The following SLC12A6 variants were observed in gnomAD, a reference collection of about 807,000 sequenced individuals.
The protein encoded by SLC12A6 is solute carrier family 12 member 6, also known as K-Cl cotransporter 3.
Under a neutral mutation model 135.3 loss-of-function variants are expected in SLC12A6, and 66 were observed. The observed-to-expected ratio is 0.49, with a 90% confidence interval of 0.40 to 0.60. The LOEUF (loss-of-function observed/expected upper bound fraction) is 0.60. Ranked by LOEUF, SLC12A6 falls within the 20% of genes least tolerant of loss-of-function variation. The pLI is 0.00. For synonymous variants in SLC12A6, 513 were observed against 508.8 expected (o/e 1.01, Z -0.11); for missense variants, 1,058 against 1,452.3 (o/e 0.73, Z 4.41).
At position 34,255,276 on chromosome 15, in the gene SLC12A6, T is replaced by A; in HGVS notation, c.862A>T (p.Ile288Phe). The part of the protein sequence containing the change: ...FAAAMYILGA[I>F]EIFLVYIVPR... The stretch of plus-strand genomic sequence containing the variant: ...TCATTACTTACCAGAAAGATTTCAA[T>A]GGCACCAAGGATGTACATGGCTGCT... Residue 288 changes from isoleucine to phenylalanine, a missense_variant, in exon 8 of 26, where the codon ATT becomes TTT. Coordinates refer to ENST00000354181, the MANE Select transcript of SLC12A6 (RefSeq NM_001365088.1). 6.2e-7 allele frequency: 1 copy of A among 1,609,114 alleles called. No individual in the cohort carries two copies. Among genetic ancestry groups the A allele is most frequent in the Non-Finnish European group, 8.5e-7 (1 of 1,175,396 alleles).
chr15:34,282,219 A>G (rs1435277946), intron 2 of SLC12A6, among the ~76,000 whole-genome samples: 1 of 152,202 alleles, frequency 6.6e-6, no homozygotes, highest in East Asian at 1.9e-4. Context: ...AGGGATTGTA[A>G]GTAGACTTGT....
intron 2 of SLC12A6, among the ~76,000 whole-genome samples, chr15:34,298,439 C>T (rs1896020683): frequency 6.6e-6 from 1 of 151,950 alleles, no homozygotes; most frequent in Non-Finnish European, 1.5e-5. Context: ...GGTGCCTCTG[C>T]ACTCCAGCCT....
rs182142965 is a variant in SLC12A6, at chr15:34,292,725, C to T, written c.272-17336G>A. 5.9e-3 allele frequency among the ~76,000 whole-genome samples: 893 copies of T among 150,508 alleles called. 7 individuals are homozygous for T. The highest frequency in any genetic ancestry group is 8.2e-3 in the Non-Finnish European group (558 of 68,008). On this transcript the variant is annotated intron_variant, in intron 2 of 25. Coordinates refer to ENST00000354181, the MANE Select transcript of SLC12A6 (RefSeq NM_001365088.1). ...CTACTCAAGCCTCACCAATGGCAGACGCCCCTTGCCCCACCAAGCTCCCAC... is the reference window on the plus strand; with the variant it reads ...CTACTCAAGCCTCACCAATGGCAGATGCCCCTTGCCCCACCAAGCTCCCAC...
intron 2 of SLC12A6, among the ~76,000 whole-genome samples, chr15:34,331,673 T>G (rs890298887): frequency 2.6e-5 from 4 of 152,284 alleles, no homozygotes; most frequent in African/African-American, 9.6e-5. Context: ...TCAAGAACCC[T>G]ACAGCATAGT....
At chr15:34,310,077 C>G (rs897394001) in intron 2 of SLC12A6, among the ~76,000 whole-genome samples, 1 of 150,902 alleles carries the variant, frequency 6.6e-6, no homozygotes, top group Non-Finnish European at 1.5e-5. Context: ...GGCATGATAA[C>G]GGATTACTGC....
chr15:34,247,965 A>T (rs975736685), intron 13 of SLC12A6, among the ~76,000 whole-genome samples: 1 of 152,176 alleles, frequency 6.6e-6, no homozygotes, highest in Admixed American at 6.5e-5. Context: ...TCAGCCTCCC[A>T]AAGTGCTGGG....
At chr15:34,287,662 T>C (rs1330599003) in intron 2 of SLC12A6, among the ~76,000 whole-genome samples, 3 of 152,220 alleles carry the variant, frequency 2.0e-5, no homozygotes, top group African/African-American at 4.8e-5. Flanking sequence ...TTTTTAATGG[T>C]TGCCATTCTA....
rs1429914418 is a variant in SLC12A6 at position 34,329,434 on chromosome 15, A to G, written c.271+6976T>C. The stretch of plus-strand genomic sequence containing the variant: ...TCTAACAGCTTTAAAATGGGAAAGC[A>G]TAACTTTCATAAGGTTCCCAGGTTT... On this transcript the variant is annotated intron_variant, in intron 2 of 25. Transcript: ENST00000354181. 8.5e-5 allele frequency among the ~76,000 whole-genome samples: 13 copies of G among 152,356 alleles called. No homozygotes were observed. In the East Asian group the frequency reaches 2.5e-3, roughly 29 times the overall value.
At chr15:34,285,879 C>T (rs1292202606) in intron 2 of SLC12A6, among the ~76,000 whole-genome samples, 2 of 151,698 alleles carry the variant, frequency 1.3e-5, no homozygotes, top group Non-Finnish European at 2.9e-5. Context: ...CTAAAGGAGT[C>T]AAATTAATAG....
chr15:34,307,307 A>C (rs1256021429), intron 2 of SLC12A6, among the ~76,000 whole-genome samples: 3 of 152,248 alleles, frequency 2.0e-5, no homozygotes, highest in Non-Finnish European at 4.4e-5. Flanking sequence ...GAAGTTCACT[A>C]AACTTTTCCG....
intron 7 of SLC12A6, 50 bp from the exon 8 acceptor site, chr15:34,255,442 G>A: frequency 2.2e-6 from 3 of 1,354,282 alleles, no homozygotes; most frequent in Non-Finnish European, 3.2e-6. Flanking sequence ...GTATTAGCAA[G>A]AGGAATATGA....
intron 3 of SLC12A6, among the ~76,000 whole-genome samples, chr15:34,266,369 G>A (rs1189368618): frequency 6.6e-6 from 1 of 151,768 alleles, no homozygotes; most frequent in African/African-American, 2.4e-5. Flanking sequence ...CACCAAGAAG[G>A]CATGACAGTT....
At chr15:34,305,255 G>T (rs1186860521) in intron 2 of SLC12A6, among the ~76,000 whole-genome samples, 1 of 152,120 alleles carries the variant, frequency 6.6e-6, no homozygotes, top group Non-Finnish European at 1.5e-5. Flanking sequence ...GCACACTGAA[G>T]TCTTTAGCTC....
At chr15:34,256,997 T>C (rs79873665) in intron 6 of SLC12A6, among the ~76,000 whole-genome samples, 12,434 of 152,274 alleles carry the variant, frequency 0.082, 692 homozygotes, top group South Asian at 0.15. Flanking sequence ...ATTAAAAATA[T>C]GAACTGTGCC....
At chr15:34,325,317 G>A (rs1441449371) in intron 2 of SLC12A6, among the ~76,000 whole-genome samples, 1 of 152,090 alleles carries the variant, frequency 6.6e-6, no homozygotes, top group African/African-American at 2.4e-5. Flanking sequence ...ATATAAAAAA[G>A]ATCACAAATT....
At chr15:34,256,462 C>A (rs1892758372) in intron 6 of SLC12A6, among the ~76,000 whole-genome samples, 179 bp from the exon 7 acceptor site, 1 of 152,178 alleles carries the variant, frequency 6.6e-6, no homozygotes, top group South Asian at 2.1e-4. Flanking sequence ...GCTAGTCATA[C>A]CACTAATATC....
intron 5 of SLC12A6, among the ~76,000 whole-genome samples, chr15:34,258,542 C>T (rs566504768): frequency 2.8e-4 from 42 of 152,268 alleles, no homozygotes; most frequent in Middle Eastern, 3.4e-3. Context: ...AGTCTCTCTA[C>T]TCTGCTTAAT....
In SLC12A6 at chr15:34,270,569, G is replaced by A. The variant is rs190740535; in HGVS notation, c.316+4776C>T. On this transcript the variant is annotated intron_variant, in intron 3 of 25. Coordinates refer to ENST00000354181, the MANE Select transcript of SLC12A6 (RefSeq NM_001365088.1). ...TCTAATCCCAGCACTTTGGGAGGACGAGACAGGCGGATCACTTGAGGCTTG... is the reference window on the plus strand; with the variant it reads ...TCTAATCCCAGCACTTTGGGAGGACAAGACAGGCGGATCACTTGAGGCTTG... Among the ~76,000 whole-genome samples, 44 of 152,186 alleles carry A rather than the reference G, an allele frequency of 2.9e-4. 1 individual carries two copies. The highest frequency in any genetic ancestry group is 2.7e-3 in the Admixed American group (42 of 15,282).
intron 2 of SLC12A6, among the ~76,000 whole-genome samples, chr15:34,312,572 A>G (rs1185084536): frequency 2.0e-5 from 3 of 152,216 alleles, no homozygotes; most frequent in African/African-American, 7.2e-5. Flanking sequence ...GGGTAGGAAG[A>G]AAACAGTCAA....
Sources: gnomAD v4.1 joint callset for allele counts (sites outside exome capture counted in the v4.1 genomes callset) on GRCh38, gnomAD v4.1.1 for gene constraint, MANE v1.5 for transcripts, NCBI Gene and HGNC (gene_info 2026-07-23, HGNC 2026-07-21) for gene names.